The following DUXA variants were observed in gnomAD, a reference collection of about 807,000 sequenced individuals.
DUXA encodes double homeobox protein A.
A neutral mutation model predicts 27.5 loss-of-function variants in DUXA; 25 were observed. That is an observed-to-expected ratio of 0.91 (90% CI 0.66 to 1.27). DUXA has a LOEUF of 1.27. DUXA is among the 50% of genes most tolerant of loss of function. DUXA has a pLI of 0.00. For missense variants in DUXA, 247 were observed against 242.9 expected, an observed-to-expected ratio of 1.02 and a Z score of -0.11; for synonymous variants, 90 against 80.5, an observed-to-expected ratio of 1.12 and a Z score of -0.63.
intron 1 of DUXA, among the ~76,000 whole-genome samples, chr19:57,164,561 G>T (rs2087041502): frequency 6.6e-6 from 1 of 151,960 alleles, no homozygotes; most frequent in African/African-American, 2.4e-5. Context: ...GGCAACAGGA[G>T]TGAAACTCCG....
Position 57,161,431 on chromosome 19 carries a change from G to A in DUXA, c.26-634C>T, listed in dbSNP as rs558805631. Among the ~76,000 whole-genome samples, 9 of 149,510 alleles carry A rather than the reference G, an allele frequency of 6.0e-5. No individual in the cohort carries two copies. In the South Asian group the frequency reaches 1.3e-3, roughly 21 times the overall value. On this transcript the variant is annotated intron_variant, in intron 1 of 5. Coordinates refer to ENST00000554048, the MANE Select transcript of DUXA (RefSeq NM_001012729.2). ...AAGGTCAGGAGATCGAGACCATCCT[G>A]GCTAACATGATGAAACCCCGTCTCT...
At position 57,154,354 on chromosome 19, in the gene DUXA, C is replaced by G; in HGVS notation, c.*58G>C. ...GCAGAAGGATAGACTCCCAGGAAGA[C>G]CGTGAGACAGATTTGGGGTCCAGTT... On this transcript the variant is annotated 3_prime_UTR_variant, in exon 6 of 6. Transcript: ENST00000554048. 1.3e-6 allele frequency: 2 copies of G among 1,502,396 alleles called. No individual in the cohort carries two copies. Among genetic ancestry groups the G allele is most frequent in the Non-Finnish European group, 1.9e-6 (2 of 1,081,070 alleles). The allele number at this position is 1,502,396 out of a possible 1,614,324, so 93.1% of individuals were successfully genotyped here. A position where few individuals can be genotyped will look rare whatever the true frequency, so the allele number is the denominator to read the frequency against.
intron 1 of DUXA, among the ~76,000 whole-genome samples, chr19:57,162,658 T>C (rs1239220303): frequency 6.6e-6 from 1 of 152,126 alleles, no homozygotes; most frequent in Admixed American, 6.6e-5. Context: ...CACTGCAACC[T>C]CCACCTCCCA....
At chr19:57,163,750 G>C (rs2087036635) in intron 1 of DUXA, among the ~76,000 whole-genome samples, 2 of 152,064 alleles carry the variant, frequency 1.3e-5, no homozygotes, top group Non-Finnish European at 2.9e-5. Context: ...CTTGTTTAAA[G>C]GGTAGTTGTC....
chr19:57,167,329 ACT>A, intron 1 of DUXA, 88 bp downstream of exon 1: 1 of 1,517,410 alleles, frequency 6.6e-7, no homozygotes, highest in Non-Finnish European at 9.1e-7. Context: ...TAAAAATGGA[ACT>A]CTCACAACTT....
At chr19:57,164,333 T>C (rs1323536965) in intron 1 of DUXA, among the ~76,000 whole-genome samples, 1 of 152,164 alleles carries the variant, frequency 6.6e-6, no homozygotes, top group Non-Finnish European at 1.5e-5. Context: ...CCCAGCACTT[T>C]GGGAGGCCGA....
chr19:57,164,298 G>A (rs570698351), intron 1 of DUXA, among the ~76,000 whole-genome samples: 20 of 152,206 alleles, frequency 1.3e-4, no homozygotes, highest in East Asian at 1.2e-3. Flanking sequence ...ATCATTGGCC[G>A]GGCACAGTGG....
At chr19:57,163,452 T>C (rs969748181) in intron 1 of DUXA, among the ~76,000 whole-genome samples, 2 of 150,984 alleles carry the variant, frequency 1.3e-5, no homozygotes, top group African/African-American at 4.9e-5. Context: ...TCTCTCTTTT[T>C]TTTTTCTTTG....
At position 57,154,157 on chromosome 19, in the gene DUXA, T is replaced by G. The variant is rs919847946; in HGVS notation, c.*255A>C. On this transcript the variant is annotated 3_prime_UTR_variant, in exon 6 of 6. Transcript: ENST00000554048. ...CCTACAGTCCTTTTCATTTATTTTG[T>G]TTTTTTATAATAGAGGCAGAGTCTT... is the stretch of plus-strand genomic sequence containing the variant. The G allele has an allele frequency of 2.6e-6, 1 of 384,266 alleles. No individual in the cohort carries two copies. Among genetic ancestry groups the G allele is most frequent in the African/African-American group, 2.1e-5 (1 of 48,038 alleles). The allele number at this position is 384,266 out of a possible 1,614,324, so 23.8% of individuals were successfully genotyped here.
At chr19:57,156,191 A>G (rs2086992382) in intron 4 of DUXA, among the ~76,000 whole-genome samples, 1 of 152,040 alleles carries the variant, frequency 6.6e-6, no homozygotes, top group South Asian at 2.1e-4. Context: ...TCTTCCCCTC[A>G]GAAATGCCCA....
Position 57,160,677 on chromosome 19 carries a change from G to A in DUXA, c.146C>T (p.Ala49Val), listed in dbSNP as rs1568463993. 3.1e-6 allele frequency: 5 copies of A among 1,613,558 alleles called. No individual in the cohort carries two copies. The highest frequency in any genetic ancestry group is 8.5e-7 in the Non-Finnish European group (1 of 1,180,022). Reference sequence around the variant, plus strand: ...GGACTCTTCTGTATTGATTTCTAAAGCAAGTTTTTGTTTGGTAGCATAACC... The same window carrying A: ...GGACTCTTCTGTATTGATTTCTAAAACAAGTTTTTGTTTGGTAGCATAACC... The part of the protein sequence containing the change: ...YPGYATKQKL[A>V]LEINTEESRI... Residue 49 changes from alanine (A) to valine (V), a missense_variant, in exon 2 of 6, where the codon GCT (alanine) becomes GTT (valine). Coordinates refer to ENST00000554048, the MANE Select transcript of DUXA (RefSeq NM_001012729.2).
Position 57,155,203 on chromosome 19 carries a change from G to GACGA in DUXA, c.544+60_544+63dup, listed in dbSNP as rs1599929284. ...CAGGAGGAGCTGTCGGCTCCACCAT[G>GACGA]ACGAAGCACTGGACATCCAAGGGCT... On this transcript the variant is annotated intron_variant, in intron 5 of 5. Transcript: ENST00000554048. The GACGA allele has an allele frequency of 2.8e-6, 4 of 1,452,936 alleles. No individual in the cohort carries two copies. In the African/African-American group the frequency reaches 5.6e-5, roughly 20 times the overall value. 90.0% of individuals were successfully genotyped at this position (1,452,936 alleles called of 1,614,324 possible).
intron 1 of DUXA, among the ~76,000 whole-genome samples, chr19:57,163,157 G>A (rs949367418): frequency 2.6e-5 from 4 of 151,942 alleles, no homozygotes; most frequent in Admixed American, 6.6e-5. Context: ...TTGCTCCTCC[G>A]TCTACCCACA....
intron 1 of DUXA, among the ~76,000 whole-genome samples, chr19:57,163,764 T>G (rs112190741): frequency 6.6e-6 from 1 of 152,194 alleles, no homozygotes; most frequent in Non-Finnish European, 1.5e-5. Context: ...AGTTGTCACA[T>G]GGAGTCTGAA....
At chr19:57,161,443 G>A (rs1343565011) in intron 1 of DUXA, among the ~76,000 whole-genome samples, 30 of 149,294 alleles carry the variant, frequency 2.0e-4, no homozygotes, top group South Asian at 6.3e-4. Flanking sequence ...CTAACATGAT[G>A]AAACCCCGTC....
At chr19:57,161,610 G>C (rs577355624) in intron 1 of DUXA, among the ~76,000 whole-genome samples, 2 of 148,460 alleles carry the variant, frequency 1.3e-5, no homozygotes, top group East Asian at 2.0e-4. Flanking sequence ...GTGACAGAGC[G>C]AGACTCCGTC....
At chr19:57,161,131 C>G (rs563213393) in intron 1 of DUXA, among the ~76,000 whole-genome samples, 371 of 151,788 alleles carry the variant, frequency 2.4e-3, no homozygotes, top group Admixed American at 3.2e-3. Context: ...CGAGACCAGC[C>G]TGGCCAACAT....
At chr19:57,157,901 C>A (rs2087000142) in intron 4 of DUXA, among the ~76,000 whole-genome samples, 1 of 151,432 alleles carries the variant, frequency 6.6e-6, no homozygotes, top group Non-Finnish European at 1.5e-5. Context: ...AGCTGAAGCA[C>A]AAAAACCGCT....
At chr19:57,160,179 T>C (rs1472870836) in intron 2 of DUXA, among the ~76,000 whole-genome samples, 3 of 152,110 alleles carry the variant, frequency 2.0e-5, no homozygotes, top group Admixed American at 2.0e-4. Context: ...GAGGGTTGCT[T>C]GAGACCGGGA....
Sources: gnomAD v4.1 joint callset for allele counts (sites outside exome capture counted in the v4.1 genomes callset) on GRCh38, gnomAD v4.1.1 for gene constraint, MANE v1.5 for transcripts, NCBI Gene and HGNC (gene_info 2026-07-23, HGNC 2026-07-21) for gene names.